The following FRRS1 variants were observed in gnomAD, a reference collection of about 807,000 sequenced individuals.
FRRS1 encodes ferric reductase 1.
A neutral mutation model predicts 70.7 loss-of-function variants in FRRS1; 51 were observed. The ratio of observed to expected loss-of-function variants is 0.72; its 90% CI spans 0.58 to 0.91. The LOEUF (loss-of-function observed/expected upper bound fraction) is 0.91. FRRS1 is among the 40% of genes least tolerant of loss of function. The pLI, the probability that FRRS1 is intolerant of heterozygous loss-of-function variation, is 0.00. For missense variants in FRRS1, 672 were observed against 726.0 expected, an observed-to-expected ratio of 0.93 and a Z score of 0.86; for synonymous variants, 225 against 238.7, an observed-to-expected ratio of 0.94 and a Z score of 0.53.
At position 99,742,194 on chromosome 1, in the gene FRRS1, TTTGGAGCACTGC is replaced by T; in HGVS notation, c.401_412del (p.Ser134_Pro137del). 1 of 1,605,406 alleles carries T rather than the reference TTTGGAGCACTGC, an allele frequency of 6.2e-7. No individual in the cohort carries two copies. Among genetic ancestry groups the T allele is most frequent in the Non-Finnish European group, 8.5e-7 (1 of 1,172,080 alleles). On this transcript the variant is annotated inframe_deletion, in exon 5 of 17. Coordinates refer to ENST00000646001, the MANE Select transcript of FRRS1 (RefSeq NM_001361041.2). ...TTATACTCACAGAAACTGTGTGTGA[TTTGGAGCACTGC>T]TTGGAGCATTCCAGTAGACTTTAAT...
chr1:99,742,150 G>A (rs1655996456), intron 5 of FRRS1, 29 bp downstream of exon 5: 5 of 1,401,860 alleles, frequency 3.6e-6, no homozygotes, highest in Non-Finnish European at 4.0e-6. Context: ...CACCATGCCT[G>A]GCCCAGAATT....
At chr1:99,763,997 TATACCC>T (rs1349299411) in intron 1 of FRRS1, among the ~76,000 whole-genome samples, 9 of 152,182 alleles carry the variant, frequency 5.9e-5, no homozygotes, top group African/African-American at 1.9e-4. Context: ...TAAACTACGC[TATACCC>T]AAACTATATA....
At chr1:99,712,793 A>T (rs1654334163) in intron 12 of FRRS1, among the ~76,000 whole-genome samples, 1 of 152,198 alleles carries the variant, frequency 6.6e-6, no homozygotes, top group African/African-American at 2.4e-5. Flanking sequence ...GATATCAAGA[A>T]CTATGTCCAA....
intron 9 of FRRS1, among the ~76,000 whole-genome samples, chr1:99,726,763 G>A (rs1373453941): frequency 2.0e-5 from 3 of 152,186 alleles, no homozygotes; most frequent in Admixed American, 1.3e-4. Context: ...CTGGAATGCA[G>A]TGGTGCAATC....
chr1:99,742,137 A>G, intron 5 of FRRS1, 42 bp downstream of exon 5: 2 of 1,234,066 alleles, frequency 1.6e-6, no homozygotes, highest in Non-Finnish European at 2.4e-6. Flanking sequence ...TATAGGCATG[A>G]GCCACCATGC....
At chr1:99,721,072 C>T (rs1229668280) in intron 9 of FRRS1, among the ~76,000 whole-genome samples, 2 of 152,114 alleles carry the variant, frequency 1.3e-5, no homozygotes, top group East Asian at 1.9e-4. Flanking sequence ...TGAAAGGAAA[C>T]ATCAAAATGT....
chr1:99,755,887 T>C (rs1159796081), intron 1 of FRRS1, among the ~76,000 whole-genome samples: 1 of 152,232 alleles, frequency 6.6e-6, no homozygotes, highest in Non-Finnish European at 1.5e-5. Flanking sequence ...GAGAGGAACC[T>C]GTACAATGGC....
intron 7 of FRRS1, among the ~76,000 whole-genome samples, chr1:99,730,098 C>T (rs1241341410): frequency 1.3e-5 from 2 of 151,974 alleles, no homozygotes; most frequent in Non-Finnish European, 2.9e-5. Flanking sequence ...TTTTCCTTCC[C>T]AAATGGGAAA....
Position 99,705,310 on chromosome 1 carries a change from C to G in FRRS1, c.*3718G>C, listed in dbSNP as rs1654006634. On this transcript the variant is annotated 3_prime_UTR_variant, in exon 17 of 17. Coordinates refer to ENST00000646001, the MANE Select transcript of FRRS1 (RefSeq NM_001361041.2). The stretch of plus-strand genomic sequence containing the variant: ...TTCCAGGCTGGTAACCATCTGTGAC[C>G]TGGGTGCAGAGATGAGCTTGGTAGG... 2.0e-5 allele frequency among the ~76,000 whole-genome samples: 3 copies of G among 152,300 alleles called. No homozygotes were observed. In the South Asian group the frequency reaches 6.2e-4, roughly 32 times the overall value.
chr1:99,757,205 T>G (rs898063153), intron 1 of FRRS1, among the ~76,000 whole-genome samples: 1 of 152,120 alleles, frequency 6.6e-6, no homozygotes, highest in Non-Finnish European at 1.5e-5. Context: ...CTACATGTTA[T>G]AGATGTGTAT....
chr1:99,729,918 C>T (rs574539802), intron 7 of FRRS1, among the ~76,000 whole-genome samples, 170 bp from the exon 8 acceptor site: 4 of 152,178 alleles, frequency 2.6e-5, no homozygotes, highest in Admixed American at 1.3e-4. Context: ...ATCTGATTTG[C>T]GAATAGCAAA....
Position 99,747,323 on chromosome 1 carries a change from A to G in FRRS1, c.304T>C (p.Ser102Pro), listed in dbSNP as rs1357995079. The stretch of plus-strand genomic sequence containing the variant: ...ATATCTTCACAGGTCAAAAGTTGTG[A>G]CACTTCACTGTCAATCAATGTGAAG... ...GSFTLIDSEV[S>P]QLLTCEDIQG... The change falls in exon 4 of 17, where the codon TCA (serine) becomes CCA (proline). Residue 102 changes from serine (S) to proline (P), a missense_variant. Physicochemically the swap from Ser to Pro is moderately conservative, Grantham distance 74 (BLOSUM62 -1). Coordinates refer to ENST00000646001, the MANE Select transcript of FRRS1 (RefSeq NM_001361041.2). The G allele has an allele frequency of 6.2e-7, 1 of 1,613,836 alleles. No individual in the cohort carries two copies. Among genetic ancestry groups the G allele is most frequent in the East Asian group, 2.2e-5 (1 of 44,888 alleles).
At chr1:99,754,397 TGAACACA>T (rs1433273443) in intron 1 of FRRS1, among the ~76,000 whole-genome samples, 8 of 152,002 alleles carry the variant, frequency 5.3e-5, no homozygotes, top group African/African-American at 1.7e-4. Context: ...GAGGATGACT[TGAACACA>T]GGAGTTCAAG....
In FRRS1 at chr1:99,762,762, G is replaced by A. The variant is rs371079815; in HGVS notation, c.-106+3845C>T. ...TCTCATCAGCAGGATTTCAAACCCC[G>A]AACTCTCAGGATTGGATTCCAAACA... On this transcript the variant is annotated intron_variant, in intron 1 of 16. Coordinates refer to ENST00000646001, the MANE Select transcript of FRRS1 (RefSeq NM_001361041.2). Among the ~76,000 whole-genome samples, 16 of 152,042 alleles carry A rather than the reference G, an allele frequency of 1.1e-4. No homozygotes were observed. The East Asian group carries it at 1.9e-3, about 18-fold the overall frequency.
At chr1:99,727,922 C>T (rs960334033) in intron 9 of FRRS1, among the ~76,000 whole-genome samples, 1 of 152,194 alleles carries the variant, frequency 6.6e-6, no homozygotes. Context: ...ATCAGAGTCA[C>T]GTAGAAAGAT....
intron 11 of FRRS1, among the ~76,000 whole-genome samples, chr1:99,716,554 T>C (rs965915999): frequency 4.6e-5 from 7 of 152,210 alleles, no homozygotes; most frequent in African/African-American, 1.4e-4. Context: ...CAGGTAGCAG[T>C]ACCGAGAACA....
At chr1:99,747,134 A>G (rs1656313807) in intron 4 of FRRS1, among the ~76,000 whole-genome samples, 160 bp downstream of exon 4, 1 of 152,198 alleles carries the variant, frequency 6.6e-6, no homozygotes, top group Non-Finnish European at 1.5e-5. Flanking sequence ...ATATGTGTTA[A>G]TCAACTATTT....
intron 1 of FRRS1, among the ~76,000 whole-genome samples, chr1:99,761,387 A>G (rs771998358): frequency 4.6e-5 from 7 of 152,086 alleles, no homozygotes; most frequent in Non-Finnish European, 1.5e-5. Context: ...TTGGCCTCCC[A>G]AAGTCTTAGG....
In FRRS1 at chr1:99,710,939, C is replaced by T. The variant is rs756212264; in HGVS notation, c.1491G>A (p.Met497Ile). The T allele has an allele frequency of 1.2e-5, 19 of 1,612,860 alleles. No homozygotes were observed. The highest frequency in any genetic ancestry group is 4.0e-5 in the African/African-American group (3 of 74,866). ...TAARIIAVAA[M>I]FLGMDLPGLN... ...GTCCTGGTAAATCCATTCCCAGGAA[C>T]ATCGCTGCCACTACATACAAAAGAA... The change falls in exon 15 of 17, where the codon ATG becomes ATA. Residue 497 changes from methionine to isoleucine, a missense_variant. By Grantham distance (10) the Met-to-Ile change is conservative (BLOSUM62 1). Coordinates refer to ENST00000646001, the MANE Select transcript of FRRS1 (RefSeq NM_001361041.2).
Sources: allele counts gnomAD v4.1 joint callset (sites outside exome capture counted in the v4.1 genomes callset), GRCh38; gene constraint gnomAD v4.1.1; transcripts MANE v1.5; gene names NCBI Gene and HGNC (gene_info 2026-07-23, HGNC 2026-07-21).